Variants in EPS15L1 observed in about 807,000 individuals in gnomAD.
EPS15L1 encodes the protein epidermal growth factor receptor substrate 15-like 1.
Under a neutral mutation model 117.1 loss-of-function variants are expected in EPS15L1, and 43 were observed. The ratio of observed to expected loss-of-function variants is 0.37; its 90% confidence interval spans 0.29 to 0.47. The LOEUF (loss-of-function observed/expected upper bound fraction) is 0.47. Ranked by LOEUF, EPS15L1 falls within the 20% of genes least tolerant of loss-of-function variation. EPS15L1 has a pLI of 0.99. For synonymous variants in EPS15L1, 459 were observed against 470.5 expected, an observed-to-expected ratio of 0.98 and a Z score of 0.32; for missense variants, 981 against 1,164.0, an observed-to-expected ratio of 0.84 and a Z score of 2.29.
In EPS15L1 at chr19:16,413,752, C is replaced by G. The variant is rs762561004; in HGVS notation, c.1266+21G>C. On this transcript the variant is annotated intron_variant, in intron 13 of 23. Coordinates refer to ENST00000455140, the MANE Select transcript of EPS15L1 (RefSeq NM_001258374.3). ...ACATTTAGCACAAAGTAGATGTAAC[C>G]AAAACGAACGAGACCCTTACCTGCA... is the stretch of plus-strand genomic sequence containing the variant. 2.5e-5 allele frequency: 41 copies of G among 1,609,082 alleles called. No homozygotes were observed. In the East Asian group the frequency reaches 9.1e-4, roughly 36 times the overall value.
intron 22 of EPS15L1, among the ~76,000 whole-genome samples, chr19:16,364,519 A>G (rs1249402562): frequency 6.6e-6 from 1 of 152,168 alleles, no homozygotes; most frequent in Non-Finnish European, 1.5e-5. Context: ...CCCAGCCCGC[A>G]GACCCCGGGC....
At chr19:16,362,509 T>G (rs1568386896) in intron 22 of EPS15L1, among the ~76,000 whole-genome samples, 1 of 144,774 alleles carries the variant, frequency 6.9e-6, no homozygotes, top group Non-Finnish European at 1.5e-5. Context: ...GAGGTTTAAG[T>G]TCTTTTTTTT....
At chr19:16,441,728 G>A (rs2093033743) in intron 3 of EPS15L1, 164 bp downstream of exon 3, 8 of 524,046 alleles carry the variant, frequency 1.5e-5, no homozygotes, top group Non-Finnish European at 1.4e-5. Context: ...GCTGCCACCT[G>A]GGCATTTGGA....
chr19:16,400,232 G>A (rs978408168), intron 16 of EPS15L1, among the ~76,000 whole-genome samples: 11 of 151,852 alleles, frequency 7.2e-5, no homozygotes, highest in Non-Finnish European at 1.2e-4. Context: ...TGCTACTCGG[G>A]AGGCTGAGGC....
At chr19:16,430,553 C>A (rs1050547325) in intron 7 of EPS15L1, among the ~76,000 whole-genome samples, 1 of 152,334 alleles carries the variant, frequency 6.6e-6, no homozygotes, top group East Asian at 1.9e-4. Flanking sequence ...CACTAGGGCC[C>A]GGCCTGCCCA....
At chr19:16,458,681 C>A (rs1210735501) in intron 1 of EPS15L1, among the ~76,000 whole-genome samples, 1 of 152,076 alleles carries the variant, frequency 6.6e-6, no homozygotes, top group East Asian at 1.9e-4. Context: ...TCCACACACA[C>A]ACTCACTCAC....
At chr19:16,413,894 C>A (rs914492743) in intron 12 of EPS15L1, 49 bp from the exon 13 acceptor site, 1 of 1,411,706 alleles carries the variant, frequency 7.1e-7, no homozygotes, top group Non-Finnish European at 1.0e-6. Flanking sequence ...TAATAAGCCT[C>A]CACCCCTTCC....
intron 22 of EPS15L1, among the ~76,000 whole-genome samples, chr19:16,376,472 G>A (rs1312586340): frequency 6.6e-6 from 1 of 152,208 alleles, no homozygotes; most frequent in Non-Finnish European, 1.5e-5. Flanking sequence ...TGGCAGCACT[G>A]GCCATGGGGA....
In EPS15L1 at chr19:16,405,925, T is replaced by C. The variant is rs994497380; in HGVS notation, c.1267-1176A>G. 1.3e-5 allele frequency among the ~76,000 whole-genome samples: 2 copies of C among 152,080 alleles called. No individual in the cohort carries two copies. The highest frequency in any genetic ancestry group is 6.5e-5 in the Admixed American group (1 of 15,284). ...ACAAGCCTCCTCCCTCCAGCTGCCATGTGGAGCGTGGTGCAAGGGGCCATC... is the reference window on the plus strand; with the variant it reads ...ACAAGCCTCCTCCCTCCAGCTGCCACGTGGAGCGTGGTGCAAGGGGCCATC... On this transcript the variant is annotated intron_variant, in intron 13 of 23. Transcript: ENST00000455140. This position sits in a 1 kb window ranked among gnomAD's most constrained non-coding sequence, Gnocchi z 4.0.
At chr19:16,441,112 A>C in intron 3 of EPS15L1, 1 of 613,922 alleles carries the variant, frequency 1.6e-6, no homozygotes, top group South Asian at 1.8e-5. Flanking sequence ...CAGGGCCCAG[A>C]GGACATCCAG....
At chr19:16,396,402 T>C (rs552232645) in intron 16 of EPS15L1, among the ~76,000 whole-genome samples, 9 of 152,268 alleles carry the variant, frequency 5.9e-5, no homozygotes, top group Non-Finnish European at 4.4e-5. Context: ...GCCAGGACTA[T>C]AGGCGCGCAC....
At chr19:16,439,265 C>T (rs1165629103) in intron 4 of EPS15L1, among the ~76,000 whole-genome samples, 1 of 151,662 alleles carries the variant, frequency 6.6e-6, no homozygotes, top group East Asian at 1.9e-4. Flanking sequence ...ACCTTTCATC[C>T]CTGCAAGGTC....
In EPS15L1 at chr19:16,362,147, T is replaced by C. The variant is rs113310652; in HGVS notation, c.2381-163A>G. Among the ~76,000 whole-genome samples, 594 of 152,274 alleles carry C rather than the reference T, an allele frequency of 3.9e-3. 3 individuals are homozygous for C. Among genetic ancestry groups the C allele is most frequent in the South Asian group, 6.4e-3 (31 of 4,826 alleles). The stretch of plus-strand genomic sequence containing the variant: ...GGGGTACCCTGGGGAATCCCAGTTT[T>C]AATCAGCTTTATCCCAGGGGCTTAA... On this transcript the variant is annotated intron_variant, in intron 22 of 23. Transcript: ENST00000455140.
intron 19 of EPS15L1, among the ~76,000 whole-genome samples, chr19:16,389,473 T>C: frequency 6.6e-6 from 1 of 151,896 alleles, no homozygotes. Flanking sequence ...AATAAAAAAA[T>C]GACAACACAG....
At chr19:16,443,080 C>T (rs1424849555) in intron 1 of EPS15L1, among the ~76,000 whole-genome samples, 1 of 152,152 alleles carries the variant, frequency 6.6e-6, no homozygotes, top group East Asian at 1.9e-4. Context: ...AGTTTACGTG[C>T]GTTGGTGTTT....
At chr19:16,389,530 G>T (rs777357907) in intron 19 of EPS15L1, among the ~76,000 whole-genome samples, 1 of 152,160 alleles carries the variant, frequency 6.6e-6, no homozygotes, top group Non-Finnish European at 1.5e-5. Context: ...TTAGGCTGAA[G>T]GAAAATGATA....
At position 16,355,517 on chromosome 19, in the gene EPS15L1, T is replaced by C. The variant is rs1052081979; in HGVS notation, c.*188A>G. The C allele has an allele frequency of 2.4e-5, 17 of 709,354 alleles. No homozygotes were observed. Among genetic ancestry groups the C allele is most frequent in the Non-Finnish European group, 3.4e-5 (15 of 446,724 alleles). The allele number at this position is 709,354 out of a possible 1,614,324, so 43.9% of individuals were successfully genotyped here. A position where few individuals can be genotyped will look rare whatever the true frequency, so the allele number is the denominator to read the frequency against. On this transcript the variant is annotated 3_prime_UTR_variant, in exon 24 of 24. Transcript: ENST00000455140. ...CTGCAGAAGTGGTGGCCAAGGCCTC[T>C]GTAAGGGCTTCCCCAGGAGATGTGA... is the stretch of plus-strand genomic sequence containing the variant.
Position 16,389,083 on chromosome 19 carries a change from A to G in EPS15L1, c.2104-2852T>C, listed in dbSNP as rs569624606. ...AGCCTGGCCAACATGGTGAAACTCC[A>G]TCTGCATTAAAAATACAAAAATTAA... On this transcript the variant is annotated intron_variant, in intron 19 of 23. Transcript: ENST00000455140. 3.6e-4 allele frequency among the ~76,000 whole-genome samples: 55 copies of G among 152,076 alleles called. No individual in the cohort carries two copies. The South Asian group carries it at 3.9e-3, about 11-fold the overall frequency.
intron 22 of EPS15L1, among the ~76,000 whole-genome samples, chr19:16,372,792 G>C (rs963403395): frequency 6.6e-6 from 1 of 152,212 alleles, no homozygotes; most frequent in African/African-American, 2.4e-5. Context: ...TGGTCAGGCA[G>C]GAAAACTGAG....
Sources: gnomAD v4.1 joint callset for allele counts (sites outside exome capture counted in the v4.1 genomes callset) on GRCh38, gnomAD v4.1.1 for gene constraint, Gnocchi (gnomAD v3.1) non-coding constraint, MANE v1.5 for transcripts, NCBI Gene and HGNC (gene_info 2026-07-23, HGNC 2026-07-21) for gene names.